Variants in CERS3 observed in about 807,000 individuals in gnomAD.
CERS3 encodes the protein ceramide synthase 3.
In CERS3, 33 loss-of-function variants were observed where a neutral mutation model predicts 50.3. That is an observed-to-expected ratio of 0.66 (90% CI 0.50 to 0.88). The LOEUF is 0.88. Among genes scored for constraint, CERS3 ranks in the 40% least tolerant of loss-of-function variants. The probability of loss-of-function intolerance (pLI) is 0.00; values close to 1 mark genes in which losing one functional copy is unlikely to be tolerated. For synonymous variants in CERS3, 176 were observed against 155.2 expected, an observed-to-expected ratio of 1.13 and a Z score of -0.99; for missense variants, 470 against 460.3, an observed-to-expected ratio of 1.02 and a Z score of -0.19.
chr15:100,449,250 C>T (rs1180117675), intron 11 of CERS3, among the ~76,000 whole-genome samples: 1 of 152,374 alleles, frequency 6.6e-6, no homozygotes, highest in South Asian at 2.1e-4. Context: ...CACATGCAAC[C>T]TGCAGGCCTG....
intron 10 of CERS3, among the ~76,000 whole-genome samples, chr15:100,469,087 T>C (rs964131864): frequency 6.6e-6 from 1 of 152,228 alleles, no homozygotes; most frequent in African/African-American, 2.4e-5. Flanking sequence ...CTAGAAAAGC[T>C]GTTAATCACA....
chr15:100,468,501 C>T (rs1446637077), intron 10 of CERS3, among the ~76,000 whole-genome samples: 2 of 152,192 alleles, frequency 1.3e-5, no homozygotes, highest in Non-Finnish European at 2.9e-5. Flanking sequence ...TGGATGCCAG[C>T]CAAGGGTGCT....
chr15:100,541,626 G>A (rs752995835), intron 1 of CERS3, among the ~76,000 whole-genome samples: 18 of 152,054 alleles, frequency 1.2e-4, no homozygotes, highest in Non-Finnish European at 2.5e-4. Flanking sequence ...TTCTTTGTTG[G>A]GTGCTGTTTG....
At chr15:100,486,600 C>T (rs572793737) in intron 4 of CERS3, among the ~76,000 whole-genome samples, 2 of 152,328 alleles carry the variant, frequency 1.3e-5, no homozygotes, top group South Asian at 2.1e-4. Context: ...TTTGCAAACA[C>T]GAACAGACCC....
At chr15:100,502,239 A>G (rs1435487742) in intron 2 of CERS3, among the ~76,000 whole-genome samples, 1 of 106,666 alleles carries the variant, frequency 9.4e-6, no homozygotes, top group Non-Finnish European at 1.9e-5. Context: ...GCAAGACTCC[A>G]CCTCAAAAAA....
chr15:100,531,745 C>T (rs2036943940), upstream of CERS3, among the ~76,000 whole-genome samples: 1 of 152,138 alleles, frequency 6.6e-6, no homozygotes, highest in Non-Finnish European at 1.5e-5. Flanking sequence ...TTAGCTGTTT[C>T]CTTTTATGAG....
chr15:100,432,363 A>G (rs982582334), intron 11 of CERS3, among the ~76,000 whole-genome samples: 3 of 152,234 alleles, frequency 2.0e-5, no homozygotes, highest in East Asian at 3.8e-4. Context: ...TAACAAAAAG[A>G]AATATAACTT....
At chr15:100,543,073 C>A (rs977283974) in intron 1 of CERS3, among the ~76,000 whole-genome samples, 2 of 151,838 alleles carry the variant, frequency 1.3e-5, no homozygotes, top group Non-Finnish European at 2.9e-5. Flanking sequence ...ACCACCACAC[C>A]TGGCTAGTTT....
intron 10 of CERS3, 80 bp downstream of exon 10, chr15:100,469,298 G>T: frequency 1.0e-6 from 1 of 1,000,750 alleles, no homozygotes; most frequent in Non-Finnish European, 1.6e-6. Context: ...TATGGAAAGG[G>T]CAATGCCCTG....
chr15:100,428,864 G>GGCCTTAAGGAAATGAACTCAA (rs2032969803), intron 11 of CERS3, among the ~76,000 whole-genome samples: 3 of 152,202 alleles, frequency 2.0e-5, no homozygotes, highest in Admixed American at 1.3e-4. Context: ...ATGCCAGGAA[G>GGCCTTAAGGAAATGAACTCAA]GCCTTAAGGA....
At position 100,469,391 on chromosome 15, in the gene CERS3, C is replaced by T; in HGVS notation, c.832G>A (p.Val278Ile). 1.2e-6 allele frequency: 2 copies of T among 1,613,754 alleles called. No homozygotes were observed. Among genetic ancestry groups the T allele is most frequent in the Non-Finnish European group, 1.7e-6 (2 of 1,179,726 alleles). Reference sequence around the variant, plus strand: ...CGGTCTACTCACCAGAAAGGAAAAACAATGAGGCGGCTGATGAAAAATATG... The same window carrying T: ...CGGTCTACTCACCAGAAAGGAAAAATAATGAGGCGGCTGATGAAAAATATG... ...STIFFISRLI[V>I]FPFWILYCTL... The change falls in exon 10 of 12, where the codon GTT becomes ATT. Residue 278 changes from valine (V) to isoleucine (I), a missense_variant. Transcript: ENST00000679737.
rs1402208581 is a variant in CERS3 at position 100,521,724 on chromosome 15, T to C, written c.-59A>G. 5 of 152,156 alleles carry C rather than the reference T, an allele frequency of 3.3e-5. No individual in the cohort carries two copies. Among genetic ancestry groups the C allele is most frequent in the African/African-American group, 1.2e-4 (5 of 41,400 alleles). 9.4% of individuals were successfully genotyped at this position (152,156 alleles called of 1,614,324 possible). ...CTCAAATACTGTATATATGTATATA[T>C]ATATAAATGTCAGCTTTTGTTTCAC... is the stretch of plus-strand genomic sequence containing the variant. On this transcript the variant is annotated 5_prime_UTR_variant, in exon 2 of 12. In the 5' UTR this introduces an upstream ATG that the reference lacks. Coordinates refer to ENST00000679737, the MANE Select transcript of CERS3 (RefSeq NM_001378789.1).
intron 9 of CERS3, among the ~76,000 whole-genome samples, chr15:100,472,338 G>C (rs181263226): frequency 1.3e-5 from 2 of 152,112 alleles, no homozygotes; most frequent in Non-Finnish European, 2.9e-5. Context: ...CAATCCCAAC[G>C]TGGCTTTGTT....
chr15:100,477,105 T>C (rs112015698), intron 7 of CERS3, among the ~76,000 whole-genome samples: 1 of 152,216 alleles, frequency 6.6e-6, no homozygotes, highest in Non-Finnish European at 1.5e-5. Context: ...ACTGCCTAGC[T>C]GAGCCTAGCC....
chr15:100,433,564 A>C (rs931050143), intron 11 of CERS3, among the ~76,000 whole-genome samples: 4 of 152,114 alleles, frequency 2.6e-5, no homozygotes, highest in South Asian at 4.2e-4. Flanking sequence ...GGCCACCCAG[A>C]ACTAGAGCTC....
intron 11 of CERS3, among the ~76,000 whole-genome samples, chr15:100,413,684 G>A (rs892619300): frequency 5.4e-5 from 8 of 148,896 alleles, no homozygotes; most frequent in Admixed American, 4.1e-4. Flanking sequence ...AGCATGTGGG[G>A]AAAAAGAAAC....
chr15:100,507,125 C>A (rs2036207993), intron 2 of CERS3, among the ~76,000 whole-genome samples: 1 of 151,930 alleles, frequency 6.6e-6, no homozygotes, highest in Non-Finnish European at 1.5e-5. Context: ...ATCCACGAAC[C>A]CCGAAAAATA....
At chr15:100,434,638 C>T (rs772536803) in intron 11 of CERS3, among the ~76,000 whole-genome samples, 1 of 152,120 alleles carries the variant, frequency 6.6e-6, no homozygotes, top group Non-Finnish European at 1.5e-5. Context: ...GGGAGACTAG[C>T]AGGGACAGTG....
chr15:100,441,827 A>G (rs1442381028), intron 11 of CERS3, among the ~76,000 whole-genome samples: 1 of 151,488 alleles, frequency 6.6e-6, no homozygotes, highest in Admixed American at 6.6e-5. Flanking sequence ...TCCCAGTGCA[A>G]CTCATCCCAA....
Sources: allele counts gnomAD v4.1 joint callset (sites outside exome capture counted in the v4.1 genomes callset), GRCh38; gene constraint gnomAD v4.1.1; transcripts MANE v1.5; gene names NCBI Gene and HGNC (gene_info 2026-07-23, HGNC 2026-07-21).